Variants in KLF8 observed in about 807,000 individuals in gnomAD.
The protein encoded by KLF8 is KLF transcription factor 8.
In KLF8, 10 loss-of-function variants were observed where a neutral mutation model predicts 18.2. The ratio of observed to expected loss-of-function variants is 0.55; its 90% CI spans 0.34 to 0.93. KLF8 has a LOEUF of 0.93. KLF8 is among the 40% of genes least tolerant of loss of function. The pLI is 0.02. For synonymous variants in KLF8, 109 were observed against 97.3 expected (o/e 1.12, Z -0.71); for missense variants, 264 against 277.9 (o/e 0.95, Z 0.36).
the KLF8 span, among the ~76,000 whole-genome samples, chrX:56,146,808 T>C: frequency 1.8e-5 from 2 of 112,086 alleles, no homozygotes; most frequent in Admixed American, 9.4e-5. Flanking sequence ...TTTTCAGTGT[T>C]CAAAACATTA....
chrX:56,069,772 GGCTTCCTGCCCAGCGGTCTTGCCCA>G, the KLF8 span, among the ~76,000 whole-genome samples: 1 of 110,930 alleles, frequency 9.0e-6, no homozygotes, highest in Admixed American at 9.5e-5. Flanking sequence ...AGTCTTGCCC[GGCTTCCTGCCCAGCGGTCTTGCCCA>G]GCTTCCTGCC....
the KLF8 span, among the ~76,000 whole-genome samples, chrX:56,125,268 C>T: frequency 8.9e-6 from 1 of 112,014 alleles, no homozygotes; most frequent in Non-Finnish European, 1.9e-5. Context: ...CTGAAAACAA[C>T]TTCTCAGTGT....
chrX:56,116,097 G>T, the KLF8 span, among the ~76,000 whole-genome samples: 1 of 112,761 alleles, frequency 8.9e-6, no homozygotes, highest in South Asian at 3.6e-4. Context: ...TTAGCTCTTT[G>T]CCTTGGGGCC....
chrX:56,284,225 C>G (rs943508069), intron 5 of KLF8, 88 bp from the exon 6 acceptor site: 30 of 748,897 alleles, frequency 4.0e-5, no homozygotes, highest in Non-Finnish European at 5.4e-5. Context: ...TCACTAAAGC[C>G]TTGATACGAG....
the KLF8 span, among the ~76,000 whole-genome samples, chrX:56,149,496 G>T: frequency 9.0e-6 from 1 of 110,741 alleles, no homozygotes; most frequent in African/African-American, 3.3e-5. Flanking sequence ...CTCACTGCCT[G>T]CCTGATAGGA....
chrX:56,051,814 C>G, the KLF8 span, among the ~76,000 whole-genome samples: 10 of 107,201 alleles, frequency 9.3e-5, no homozygotes, highest in Non-Finnish European at 1.7e-4. Flanking sequence ...GAACGTTGGC[C>G]TGCCTTGCTA....
chrX:55,986,894 T>G, the KLF8 span, among the ~76,000 whole-genome samples: 1 of 111,754 alleles, frequency 8.9e-6, no homozygotes, highest in East Asian at 2.8e-4. Flanking sequence ...TTCTGTTTTC[T>G]CTTAATTTGC....
chrX:55,915,315 C>A, the KLF8 span, among the ~76,000 whole-genome samples: 1 of 111,390 alleles, frequency 9.0e-6, no homozygotes, highest in Non-Finnish European at 1.9e-5. Context: ...AATTTGAACG[C>A]AGATAGTTTG....
the KLF8 span, among the ~76,000 whole-genome samples, chrX:56,091,979 GT>G: frequency 0.14 from 11,144 of 80,670 alleles, 1,069 homozygotes; most frequent in African/African-American, 0.36. Context: ...AACATCTATT[GT>G]TTTTTTTTTT....
At chrX:56,205,372 C>T in the KLF8 span, among the ~76,000 whole-genome samples, 1 of 111,783 alleles carries the variant, frequency 8.9e-6, no homozygotes, top group Non-Finnish European at 1.9e-5. Context: ...TAGAAACTAG[C>T]TAGCTTAATA....
the KLF8 span, among the ~76,000 whole-genome samples, chrX:56,093,776 A>G: frequency 9.0e-6 from 1 of 110,970 alleles, no homozygotes; most frequent in Admixed American, 9.6e-5. Flanking sequence ...CAGTACAATA[A>G]TGTTATAAAG....
intron 1 of KLF8, among the ~76,000 whole-genome samples, chrX:56,249,722 T>G (rs2066677042): frequency 1.8e-5 from 2 of 111,618 alleles, no homozygotes; most frequent in Admixed American, 1.9e-4. Context: ...GCAGCTGAAT[T>G]AAGACACTAA....
At chrX:56,136,542 G>A in the KLF8 span, among the ~76,000 whole-genome samples, 1 of 111,715 alleles carries the variant, frequency 9.0e-6, no homozygotes, top group Non-Finnish European at 1.9e-5. Flanking sequence ...GGGAAAACTG[G>A]CTAGCCATAT....
At chrX:55,930,987 G>C in the KLF8 span, among the ~76,000 whole-genome samples, 1 of 111,782 alleles carries the variant, frequency 8.9e-6, no homozygotes, top group Non-Finnish European at 1.9e-5. Flanking sequence ...ACCTCAGGTA[G>C]AATTTGGCTG....
At chrX:56,164,991 G>A in the KLF8 span, among the ~76,000 whole-genome samples, 99 of 85,359 alleles carry the variant, frequency 1.2e-3, no homozygotes, top group African/African-American at 4.2e-3. Flanking sequence ...CTATGAGTGG[G>A]AATATGCGGT....
chrX:56,176,714 A>G, the KLF8 span, among the ~76,000 whole-genome samples: 1 of 111,031 alleles, frequency 9.0e-6, no homozygotes, highest in Non-Finnish European at 1.9e-5. Context: ...ACTTGGTTCC[A>G]TTCTCCCTGT....
At chrX:56,049,244 T>C in the KLF8 span, among the ~76,000 whole-genome samples, 20 of 111,541 alleles carry the variant, frequency 1.8e-4, no homozygotes, top group African/African-American at 6.2e-4. Context: ...TTTTCCTAAC[T>C]GAATGCCCTT....
chrX:56,074,597 A>T, the KLF8 span: 1 of 116,733 alleles, frequency 8.6e-6, no homozygotes, highest in African/African-American at 3.2e-5. Context: ...GTTTATCTAT[A>T]TATGTTAAGG....
the KLF8 span, among the ~76,000 whole-genome samples, chrX:55,994,353 CTTA>C: frequency 1.8e-5 from 2 of 109,805 alleles, no homozygotes; most frequent in African/African-American, 6.7e-5. Flanking sequence ...ATCAATCTCA[CTTA>C]TTATTTCAAA....
Sources: gnomAD v4.1 joint callset for allele counts (sites outside exome capture counted in the v4.1 genomes callset) on GRCh38, gnomAD v4.1.1 for gene constraint, MANE v1.5 for transcripts, NCBI Gene and HGNC (gene_info 2026-07-23, HGNC 2026-07-21) for gene names.